Variants in LRP1B observed in about 807,000 individuals in gnomAD.
LRP1B encodes low-density lipoprotein receptor-related protein 1B.
A neutral mutation model predicts 556.6 loss-of-function variants in LRP1B; 217 were observed. The observed-to-expected ratio is 0.39, with a 90% CI of 0.35 to 0.44. The LOEUF (loss-of-function observed/expected upper bound fraction) is 0.44. Ranked by LOEUF, LRP1B falls within the 20% of genes least tolerant of loss-of-function variation. The pLI, the probability that LRP1B is intolerant of heterozygous loss-of-function variation, is 1.00. For missense variants in LRP1B, 5,053 were observed against 5,620.8 expected (o/e 0.90, Z 3.23); for synonymous variants, 2,047 against 1,865.8 (o/e 1.10, Z -2.50).
intron 3 of LRP1B, among the ~76,000 whole-genome samples, chr2:141,426,189 A>G (rs1680356617): frequency 6.6e-6 from 1 of 151,970 alleles, no homozygotes; most frequent in Admixed American, 6.6e-5. Flanking sequence ...TCCTTTCCTC[A>G]TTGCTTGTTT....
At chr2:140,650,352 T>C (rs1684637503) in intron 41 of LRP1B, among the ~76,000 whole-genome samples, 1 of 143,172 alleles carries the variant, frequency 7.0e-6, no homozygotes, top group African/African-American at 2.7e-5. Flanking sequence ...TTTATTTATT[T>C]ATTTATTTAT....
intron 60 of LRP1B, among the ~76,000 whole-genome samples, chr2:140,468,923 A>G (rs1236826150): frequency 1.3e-5 from 2 of 152,190 alleles, no homozygotes; most frequent in East Asian, 3.9e-4. Context: ...AACAGATAAC[A>G]TGTCTGATTT....
chr2:141,372,793 T>A (rs1356066655), intron 3 of LRP1B, among the ~76,000 whole-genome samples: 2 of 152,064 alleles, frequency 1.3e-5, no homozygotes, highest in African/African-American at 4.8e-5. Context: ...TGGTTTATTA[T>A]TTTTGCTTCT....
At chr2:141,558,355 A>G (rs946391426) in intron 2 of LRP1B, among the ~76,000 whole-genome samples, 3 of 151,666 alleles carry the variant, frequency 2.0e-5, no homozygotes, top group African/African-American at 7.3e-5. Context: ...AAAGAGGTAG[A>G]TATTTTTTTT....
At position 140,315,042 on chromosome 2, in the gene LRP1B, C is replaced by T. The variant is rs200691260; in HGVS notation, c.12698G>A (p.Gly4233Asp). Residue 4233 changes from glycine (G) to aspartate (D), a missense_variant, in exon 83 of 91, where the codon GGT becomes GAT. Coordinates refer to ENST00000389484, the MANE Select transcript of LRP1B (RefSeq NM_018557.3). Reference protein sequence around the residue: ...NGGRCILNEKGDLRCHCWPSY... With the variant: ...NGGRCILNEKDDLRCHCWPSY... ...GGGCCAACAGTGACACCTCAAATCA[C>T]CTTTCTCATTTAAAATGCATCTTCC... 3 of 1,611,334 alleles carry T rather than the reference C, an allele frequency of 1.9e-6. No homozygotes were observed. In the African/African-American group the frequency reaches 4.0e-5, roughly 22 times the overall value.
chr2:140,771,100 AT>A (rs1689295932), intron 33 of LRP1B, 94 bp from the exon 34 acceptor site: 1 of 822,796 alleles, frequency 1.2e-6, no homozygotes, highest in Non-Finnish European at 1.9e-6. Context: ...TATGTATGCT[AT>A]TGATTTCTAA....
At chr2:141,143,053 C>A (rs112769492) in intron 7 of LRP1B, among the ~76,000 whole-genome samples, 4 of 151,540 alleles carry the variant, frequency 2.6e-5, no homozygotes, top group African/African-American at 9.7e-5. Context: ...CTCAGCCTCC[C>A]GAGTAACTGG....
chr2:142,014,765 G>C (rs757565714), intron 1 of LRP1B, among the ~76,000 whole-genome samples: 2 of 152,100 alleles, frequency 1.3e-5, no homozygotes, highest in Non-Finnish European at 2.9e-5. Flanking sequence ...ACAGAGACAA[G>C]GGAGGGCAGA....
intron 43 of LRP1B, among the ~76,000 whole-genome samples, chr2:140,572,061 G>C (rs144004804): frequency 4.7e-4 from 71 of 151,634 alleles, no homozygotes; most frequent in African/African-American, 1.3e-3. Context: ...TAAAGGAAAT[G>C]CTTTAAGATA....
At chr2:142,095,834 A>T (rs1706342828) in intron 1 of LRP1B, among the ~76,000 whole-genome samples, 1 of 151,796 alleles carries the variant, frequency 6.6e-6, no homozygotes, top group African/African-American at 2.4e-5. Context: ...GTTTATTGCT[A>T]AATTGCTGAG....
At chr2:141,238,524 G>A (rs185050954) in intron 5 of LRP1B, among the ~76,000 whole-genome samples, 282 of 151,948 alleles carry the variant, frequency 1.9e-3, no homozygotes, top group African/African-American at 6.4e-3. Context: ...CTTCTGCCAG[G>A]GTCTAGATGC....
At position 140,624,680 on chromosome 2, in the gene LRP1B, CTGT is replaced by C. The variant is rs528202885; in HGVS notation, c.6800-23044_6800-23042del. Among the ~76,000 whole-genome samples, 187 of 152,162 alleles carry C rather than the reference CTGT, an allele frequency of 1.2e-3. 2 individuals carry two copies. The Middle Eastern group carries it at 0.014, about 11-fold the overall frequency. On this transcript the variant is annotated intron_variant, in intron 41 of 90. Transcript: ENST00000389484. ...TCCAGCTTGACAACAGCATAAGACC[CTGT>C]TGTTGTTGTTGTTTTTAAAGCAATC...
rs139353219 is a variant in LRP1B, at chr2:141,548,562, C to T, written c.206-68029G>A. On this transcript the variant is annotated intron_variant, in intron 2 of 90. Coordinates refer to ENST00000389484, the MANE Select transcript of LRP1B (RefSeq NM_018557.3). ...CATTGTTACTGTTCTGCTGAGATAA[C>T]AAAATTCAGTGAAAACTTTCAGCTC... is the stretch of plus-strand genomic sequence containing the variant. Among the ~76,000 whole-genome samples the T allele has an allele frequency of 6.7e-4, 102 of 152,274 alleles. No homozygotes were observed. The East Asian group carries it at 0.017, about 25-fold the overall frequency.
chr2:142,127,486 CT>C (rs1707696512), intron 1 of LRP1B, among the ~76,000 whole-genome samples: 1 of 151,874 alleles, frequency 6.6e-6, no homozygotes, highest in African/African-American at 2.4e-5. Flanking sequence ...AATTCACATT[CT>C]TTCTTATTGT....
intron 7 of LRP1B, among the ~76,000 whole-genome samples, chr2:141,109,789 C>T (rs749693839): frequency 2.0e-5 from 3 of 152,166 alleles, no homozygotes; most frequent in Non-Finnish European, 4.4e-5. Flanking sequence ...CCTTCTGTTA[C>T]CTTTAGAGGG....
intron 3 of LRP1B, among the ~76,000 whole-genome samples, chr2:141,305,131 G>A (rs1466715758): frequency 6.6e-6 from 1 of 152,016 alleles, no homozygotes; most frequent in African/African-American, 2.4e-5. Context: ...AATGACATTG[G>A]CATTTTGATA....
chr2:140,297,186 G>A (rs926259500), intron 84 of LRP1B, among the ~76,000 whole-genome samples: 2 of 152,086 alleles, frequency 1.3e-5, no homozygotes. Flanking sequence ...AAGCTGGGGG[G>A]ATGTGCTAGT....
At chr2:140,828,994 G>C (rs1573774214) in intron 31 of LRP1B, among the ~76,000 whole-genome samples, 2 of 151,956 alleles carry the variant, frequency 1.3e-5, no homozygotes, top group East Asian at 1.9e-4. Context: ...TCTTATAGTA[G>C]ATAAAACAGA....
chr2:141,479,912 A>G (rs1682855575), intron 3 of LRP1B, among the ~76,000 whole-genome samples: 2 of 152,342 alleles, frequency 1.3e-5, no homozygotes, highest in African/African-American at 4.8e-5. Flanking sequence ...ATTACAAGAA[A>G]GTTAACAGTC....
Sources: gnomAD v4.1 joint callset for allele counts (sites outside exome capture counted in the v4.1 genomes callset) on GRCh38, gnomAD v4.1.1 for gene constraint, MANE v1.5 for transcripts, NCBI Gene and HGNC (gene_info 2026-07-23, HGNC 2026-07-21) for gene names.